The following HEG1 variants were observed in gnomAD, a reference collection of about 807,000 sequenced individuals.
The protein encoded by HEG1 is heart development protein with EGF like domains 1, also known as protein HEG homolog 1.
Under a neutral mutation model 125.6 loss-of-function variants are expected in HEG1, and 56 were observed. The ratio of observed to expected loss-of-function variants is 0.45; its 90% CI spans 0.36 to 0.56. The LOEUF (loss-of-function observed/expected upper bound fraction) is 0.56, where lower values mean the gene tolerates loss of function less well. HEG1 is among the 20% of genes least tolerant of loss of function. The probability of loss-of-function intolerance (pLI) is 0.00; values close to 1 mark genes in which losing one functional copy is unlikely to be tolerated. For missense variants in HEG1, 1,523 were observed against 1,670.0 expected (o/e 0.91, Z 1.53); for synonymous variants, 644 against 668.5 (o/e 0.96, Z 0.57).
intron 9 of HEG1, among the ~76,000 whole-genome samples, chr3:125,002,637 G>A (rs989854509): frequency 6.6e-6 from 1 of 152,182 alleles, no homozygotes; most frequent in African/African-American, 2.4e-5. Flanking sequence ...AAACAACTCA[G>A]AGGCAACTGT....
chr3:125,042,214 G>A (rs1937598950), intron 1 of HEG1, among the ~76,000 whole-genome samples: 1 of 152,192 alleles, frequency 6.6e-6, no homozygotes, highest in Non-Finnish European at 1.5e-5. Flanking sequence ...GATCACTTGA[G>A]GTTAGGAGTT....
intron 1 of HEG1, 62 bp downstream of exon 1, chr3:125,055,513 C>A: frequency 9.3e-7 from 1 of 1,076,116 alleles, no homozygotes; most frequent in Non-Finnish European, 1.2e-6. Flanking sequence ...GGATGCAGCC[C>A]GGGGCGCGCC....
At chr3:125,031,437 T>A (rs1051058384) in intron 1 of HEG1, among the ~76,000 whole-genome samples, 1 of 152,166 alleles carries the variant, frequency 6.6e-6, no homozygotes, top group Non-Finnish European at 1.5e-5. Context: ...CCACATGAAG[T>A]TGTCACTGAT....
intron 8 of HEG1, among the ~76,000 whole-genome samples, chr3:125,006,106 AG>A (rs1937068558): frequency 6.6e-6 from 1 of 152,170 alleles, no homozygotes; most frequent in African/African-American, 2.4e-5. Flanking sequence ...TGATATCCTA[AG>A]GACACCCAAG....
rs1936788574 is a variant in HEG1, at chr3:124,988,982, T to C, written c.3733+1805A>G. ...CTCTCTACTCATATGACTATAAATA[T>C]AATTGCTTTTAGAATTGCCTCCCTA... On this transcript the variant is annotated intron_variant, in intron 14 of 16. Transcript: ENST00000311127. Among the ~76,000 whole-genome samples, 3 of 152,174 alleles carry C rather than the reference T, an allele frequency of 2.0e-5. No individual in the cohort carries two copies. In the South Asian group the frequency reaches 6.2e-4, roughly 32 times the overall value.
chr3:125,021,317 T>G (rs1937332831), intron 3 of HEG1, among the ~76,000 whole-genome samples, 187 bp from the exon 4 acceptor site: 1 of 152,038 alleles, frequency 6.6e-6, no homozygotes, highest in South Asian at 2.1e-4. Context: ...CTCCCCTTAC[T>G]AGGTCTAATC....
chr3:125,049,921 T>C (rs916122225), intron 1 of HEG1, among the ~76,000 whole-genome samples: 23 of 152,110 alleles, frequency 1.5e-4, no homozygotes, highest in African/African-American at 4.8e-4. Flanking sequence ...TTGGTGTGGA[T>C]GGGATGAAAA....
chr3:125,046,309 C>T (rs1937663315), intron 1 of HEG1, among the ~76,000 whole-genome samples: 1 of 151,678 alleles, frequency 6.6e-6, no homozygotes. Context: ...ATACTTATTC[C>T]ATCAATACTG....
At chr3:124,980,237 T>C (rs1936623589) in intron 14 of HEG1, among the ~76,000 whole-genome samples, 1 of 152,224 alleles carries the variant, frequency 6.6e-6, no homozygotes. Flanking sequence ...CACTCACTAT[T>C]ATAGAAAGCA....
At chr3:125,027,737 C>A (rs138065435) in intron 2 of HEG1, among the ~76,000 whole-genome samples, 369 of 152,258 alleles carry the variant, frequency 2.4e-3, no homozygotes, top group African/African-American at 7.6e-3. Context: ...AGAAAAGGAG[C>A]TCACTGGAGG....
intron 12 of HEG1, among the ~76,000 whole-genome samples, chr3:124,997,017 T>A (rs559904542): frequency 3.3e-4 from 51 of 152,340 alleles, no homozygotes; most frequent in Middle Eastern, 6.8e-3. Context: ...ACCTTAAAGG[T>A]TAGTAGAATT....
At chr3:125,041,222 T>A (rs80048685) in intron 1 of HEG1, among the ~76,000 whole-genome samples, 4,711 of 152,326 alleles carry the variant, frequency 0.031, 214 homozygotes, top group African/African-American at 0.1. Context: ...TCCTTCATTC[T>A]GGCCAAAGTT....
At chr3:124,987,666 G>A (rs1263602353) in intron 14 of HEG1, among the ~76,000 whole-genome samples, 1 of 151,284 alleles carries the variant, frequency 6.6e-6, no homozygotes, top group Admixed American at 6.6e-5. Flanking sequence ...AACTACAGGC[G>A]CTCGCCACCA....
intron 3 of HEG1, among the ~76,000 whole-genome samples, chr3:125,022,943 C>A (rs1464592529): frequency 1.7e-4 from 26 of 152,154 alleles, no homozygotes; most frequent in Non-Finnish European, 1.5e-5. Flanking sequence ...CCTGTAATCC[C>A]AGCACTTTGG....
chr3:125,020,233 C>G (rs902348008), intron 4 of HEG1, among the ~76,000 whole-genome samples: 3 of 152,136 alleles, frequency 2.0e-5, no homozygotes, highest in African/African-American at 7.2e-5. Context: ...CAAGACCAGC[C>G]TGGGCAACAT....
rs1167221710 is a variant in HEG1 at position 124,968,308 on chromosome 3, G to A, written c.*2344C>T. 2.6e-5 allele frequency: 4 copies of A among 152,332 alleles called. No individual in the cohort carries two copies. The highest frequency in any genetic ancestry group is 5.9e-5 in the Non-Finnish European group (4 of 68,198). The allele number at this position is 152,332 out of a possible 1,614,324, so 9.4% of individuals were successfully genotyped here. On this transcript the variant is annotated 3_prime_UTR_variant, in exon 17 of 17. Coordinates refer to ENST00000311127, the MANE Select transcript of HEG1 (RefSeq NM_020733.2). ...TGGGTCACAGACATGCTTTACTCAT[G>A]TCCCCTTAGAGCCTCATGCTCTGGA...
intron 16 of HEG1, among the ~76,000 whole-genome samples, chr3:124,972,719 G>A (rs796841446): frequency 1.4e-4 from 22 of 152,256 alleles, no homozygotes; most frequent in African/African-American, 5.3e-4. Context: ...GCTCAGATAC[G>A]CCTGTTCGTG....
intron 1 of HEG1, among the ~76,000 whole-genome samples, chr3:125,052,861 C>T (rs34136700): frequency 0.25 from 37,786 of 152,080 alleles, 5,747 homozygotes; most frequent in East Asian, 0.4. Context: ...GGAATGCAAA[C>T]GCGGTTACTC....
At chr3:124,990,686 G>A (rs1936817899) in intron 14 of HEG1, 101 bp downstream of exon 14, 1 of 1,112,020 alleles carries the variant, frequency 9.0e-7, no homozygotes, top group African/African-American at 1.6e-5. Context: ...TAAGAAGACA[G>A]CAGGTGTGAA....
Sources: gnomAD v4.1 joint callset for allele counts (sites outside exome capture counted in the v4.1 genomes callset) on GRCh38, gnomAD v4.1.1 for gene constraint, MANE v1.5 for transcripts, NCBI Gene and HGNC (gene_info 2026-07-23, HGNC 2026-07-21) for gene names.